The following CTNND2 variants were observed in gnomAD, a reference collection of about 807,000 sequenced individuals.
CTNND2 encodes the protein catenin delta 2, also known as catenin delta-2.
Under a neutral mutation model 144.4 loss-of-function variants are expected in CTNND2, and 22 were observed. That is an observed-to-expected ratio of 0.15 (90% CI 0.11 to 0.22). The LOEUF (loss-of-function observed/expected upper bound fraction) is 0.22. Ranked by LOEUF, CTNND2 falls within the 10% of genes least tolerant of loss-of-function variation. CTNND2 has a pLI of 1.00. For missense variants in CTNND2, 1,353 were observed against 1,618.8 expected (o/e 0.84, Z 2.82); for synonymous variants, 751 against 695.6 (o/e 1.08, Z -1.25).
chr5:11,115,804 C>A lies in CTNND2; in HGVS notation c.2277+1646G>T, dbSNP rs1218674220. ...TCAAAGGGCTGACGTCCCAGAGGTA[C>A]CTTGCATTCAGATCTCTGGGGAGTA... On this transcript the variant is annotated intron_variant, in intron 13 of 21. Coordinates refer to ENST00000304623, the MANE Select transcript of CTNND2 (RefSeq NM_001332.4). Among the ~76,000 whole-genome samples the A allele has an allele frequency of 6.6e-5, 10 of 152,174 alleles. 1 individual carries two copies. The highest frequency in any genetic ancestry group is 5.9e-5 in the Non-Finnish European group (4 of 68,034).
chr5:11,582,426 A>G (rs893106365), intron 2 of CTNND2, among the ~76,000 whole-genome samples: 6 of 152,208 alleles, frequency 3.9e-5, no homozygotes, highest in Non-Finnish European at 8.8e-5. Flanking sequence ...CAAAACAAAG[A>G]AAGAAAAGAA....
chr5:11,637,543 A>T (rs187139528), intron 2 of CTNND2, among the ~76,000 whole-genome samples: 92 of 152,308 alleles, frequency 6.0e-4, no homozygotes, highest in African/African-American at 2.1e-3. Context: ...CTTAGTACAG[A>T]ATTCCACCTC....
chr5:11,193,740 T>C (rs895092341), intron 11 of CTNND2, among the ~76,000 whole-genome samples: 3 of 152,052 alleles, frequency 2.0e-5, no homozygotes, highest in African/African-American at 7.2e-5. Context: ...TGCCTCTGGG[T>C]GATCATAACA....
At chr5:11,615,719 G>A (rs1327690837) in intron 2 of CTNND2, among the ~76,000 whole-genome samples, 1 of 152,160 alleles carries the variant, frequency 6.6e-6, no homozygotes, top group Non-Finnish European at 1.5e-5. Context: ...TCACATAAGT[G>A]TATTTTAAAT....
Position 11,078,162 on chromosome 5 carries a change from T to C in CTNND2, c.2788+4534A>G, listed in dbSNP as rs1241970187. ...CACCCTAGCCTTCTGTGAGAGGTGA[T>C]GGAGAGGAGAGGAGGTCCAAGATTA... On this transcript the variant is annotated intron_variant, in intron 16 of 21. Coordinates refer to ENST00000304623, the MANE Select transcript of CTNND2 (RefSeq NM_001332.4). 3.9e-5 allele frequency among the ~76,000 whole-genome samples: 6 copies of C among 152,146 alleles called. No homozygotes were observed. The East Asian group carries it at 5.8e-4, about 15-fold the overall frequency.
At position 11,240,796 on chromosome 5, in the gene CTNND2, C is replaced by A. The variant is rs564869572; in HGVS notation, c.1629-3973G>T. 7.5e-3 allele frequency among the ~76,000 whole-genome samples: 994 copies of A among 132,926 alleles called. 15 individuals are homozygous for A. The highest frequency in any genetic ancestry group is 0.026 in the African/African-American group (925 of 35,324). 87.2% of individuals were successfully genotyped at this position (132,926 alleles called of 152,430 possible). A position where few individuals can be genotyped will look rare whatever the true frequency, so the allele number is the denominator to read the frequency against. ...CATTCAGCACACACACCCCCAACCC[C>A]CACACACCCAACACACACATACACT... On this transcript the variant is annotated intron_variant, in intron 9 of 21. Transcript: ENST00000304623.
rs1454251682 is a variant in CTNND2 at position 10,988,238 on chromosome 5, A to G, written c.3216T>C (p.Ser1072=). The change falls in exon 20 of 22, where the codon AGT becomes AGC. Residue 1072 remains serine (S), a synonymous_variant. Transcript: ENST00000304623. This position sits in a 1 kb window ranked among gnomAD's most constrained non-coding sequence, Gnocchi z 5.9. ...VRVSPNNRSA[S]APASPREMIS... ...TCATTTCCCGAGGTGAAGCTGGGGC[A>G]CTTGCTACATAAAGAAATCAAAAGG... is the stretch of plus-strand genomic sequence containing the variant. The G allele has an allele frequency of 1.2e-6, 2 of 1,614,110 alleles. No individual in the cohort carries two copies. Among genetic ancestry groups the G allele is most frequent in the Non-Finnish European group, 1.7e-6 (2 of 1,179,988 alleles).
chr5:11,446,613 TTGCCTGCATGC>T (rs1252220759), intron 3 of CTNND2, among the ~76,000 whole-genome samples: 1 of 152,140 alleles, frequency 6.6e-6, no homozygotes, highest in East Asian at 1.9e-4. Flanking sequence ...AAAAGATAGG[TTGCCTGCATGC>T]TGCCTGAGGG....
intron 1 of CTNND2, among the ~76,000 whole-genome samples, chr5:11,831,259 T>C (rs1332323139): frequency 6.7e-6 from 1 of 149,128 alleles, no homozygotes; most frequent in South Asian, 2.1e-4. Context: ...AAAAAAAAGC[T>C]TGAAAAAGAA....
chr5:11,208,166 T>C (rs968887713), intron 10 of CTNND2, among the ~76,000 whole-genome samples: 1 of 152,148 alleles, frequency 6.6e-6, no homozygotes, highest in Non-Finnish European at 1.5e-5. Context: ...TTGGGAAATT[T>C]CTGTATGAAG....
rs563777207 is a variant in CTNND2 at position 11,788,449 on chromosome 5, G to T, written c.38-56177C>A. Among the ~76,000 whole-genome samples, 21 of 152,232 alleles carry T rather than the reference G, an allele frequency of 1.4e-4. No individual in the cohort carries two copies. The South Asian group carries it at 4.1e-3, about 30-fold the overall frequency. On this transcript the variant is annotated intron_variant, in intron 1 of 21. Transcript: ENST00000304623. ...TTGGAATTTATGTGTTTAGTGGGAA[G>T]ATGAAAATCTAATATTACTTTACTT...
chr5:11,647,357 T>G (rs552527732), intron 2 of CTNND2, among the ~76,000 whole-genome samples: 20 of 152,206 alleles, frequency 1.3e-4, no homozygotes, highest in Middle Eastern at 3.4e-3. Flanking sequence ...CTGGACAGGA[T>G]GCTGTTCAGG....
chr5:11,787,473 AAGTAGACCCTTC>A (rs1790895677), intron 1 of CTNND2, among the ~76,000 whole-genome samples: 2 of 152,210 alleles, frequency 1.3e-5, no homozygotes, highest in Admixed American at 1.3e-4. Flanking sequence ...CCACACCATG[AAGTAGACCCTTC>A]AGTTATGACT....
chr5:11,131,883 G>T (rs10069711), intron 12 of CTNND2, among the ~76,000 whole-genome samples: 89,327 of 152,082 alleles, frequency 0.59, 26,415 homozygotes, highest in East Asian at 0.65. Flanking sequence ...TTACTTGCAG[G>T]ATATTTTAAC....
chr5:11,776,052 A>G (rs1042347114), intron 1 of CTNND2, among the ~76,000 whole-genome samples: 2 of 152,166 alleles, frequency 1.3e-5, no homozygotes, highest in South Asian at 2.1e-4. Flanking sequence ...GAGCCTTCAG[A>G]GGGAGCATGG....
chr5:11,172,106 T>C (rs1270923498), intron 11 of CTNND2, among the ~76,000 whole-genome samples: 1 of 152,158 alleles, frequency 6.6e-6, no homozygotes, highest in Non-Finnish European at 1.5e-5. Context: ...GTGATCCACC[T>C]GGGGGGCATT....
chr5:11,438,988 C>T (rs1197891509), intron 3 of CTNND2, among the ~76,000 whole-genome samples: 1 of 151,886 alleles, frequency 6.6e-6, no homozygotes, highest in Non-Finnish European at 1.5e-5. Context: ...AGTTAAATAT[C>T]CAAATGTTAG....
chr5:11,629,426 A>G (rs1490555536), intron 2 of CTNND2, among the ~76,000 whole-genome samples: 1 of 152,194 alleles, frequency 6.6e-6, no homozygotes, highest in Non-Finnish European at 1.5e-5. Flanking sequence ...CATCTCGTTA[A>G]AATTCTCCAG....
intron 16 of CTNND2, among the ~76,000 whole-genome samples, chr5:11,072,986 T>C (rs1391211022): frequency 6.6e-6 from 1 of 152,226 alleles, no homozygotes; most frequent in Non-Finnish European, 1.5e-5. Context: ...GGAGCCTTCC[T>C]TTTAGCTGAA....
Sources: gnomAD v4.1 joint callset for allele counts (sites outside exome capture counted in the v4.1 genomes callset) on GRCh38, gnomAD v4.1.1 for gene constraint, Gnocchi (gnomAD v3.1) non-coding constraint, MANE v1.5 for transcripts, NCBI Gene and HGNC (gene_info 2026-07-23, HGNC 2026-07-21) for gene names.